Variants in SPAG16 observed in about 807,000 individuals in gnomAD.
SPAG16 encodes sperm-associated antigen 16 protein.
In SPAG16, 86 loss-of-function variants were observed where a neutral mutation model predicts 80.4. That is an observed-to-expected ratio of 1.07 (90% CI 0.90 to 1.28). The LOEUF (loss-of-function observed/expected upper bound fraction) is 1.28. Among genes scored for constraint, SPAG16 ranks in the 50% most tolerant of loss-of-function variants. The probability of loss-of-function intolerance (pLI) is 0.00; values close to 1 mark genes in which losing one functional copy is unlikely to be tolerated. For synonymous variants in SPAG16, 294 were observed against 265.9 expected, an observed-to-expected ratio of 1.11 and a Z score of -1.03; for missense variants, 870 against 765.3, an observed-to-expected ratio of 1.14 and a Z score of -1.61.
intron 10 of SPAG16, among the ~76,000 whole-genome samples, chr2:213,597,790 T>C (rs2060933307): frequency 6.6e-6 from 1 of 152,152 alleles, no homozygotes; most frequent in Non-Finnish European, 1.5e-5. Flanking sequence ...TTCTCTGACA[T>C]ATTTTAAGAT....
intron 15 of SPAG16, among the ~76,000 whole-genome samples, chr2:214,320,530 G>A (rs1313798750): frequency 6.6e-6 from 1 of 152,182 alleles, no homozygotes; most frequent in East Asian, 1.9e-4. Context: ...ATTTACAAAA[G>A]AGGTTTAATT....
rs923746626 is a variant in SPAG16, at chr2:214,370,397, C to G, written c.1721-39743C>G. Among the ~76,000 whole-genome samples, 29 of 152,238 alleles carry G rather than the reference C, an allele frequency of 1.9e-4. 1 individual carries two copies. Among genetic ancestry groups the G allele is most frequent in the Admixed American group, 1.8e-3 (28 of 15,282 alleles). On this transcript the variant is annotated intron_variant, in intron 15 of 15. Coordinates refer to ENST00000331683, the MANE Select transcript of SPAG16 (RefSeq NM_024532.5). ...ATTGCTGTGCTGTGTATTAAAACAG[C>G]AGTGCTCACCATAACATGTATTGAT...
At chr2:213,970,822 T>C (rs755752983) in intron 12 of SPAG16, among the ~76,000 whole-genome samples, 7 of 152,238 alleles carry the variant, frequency 4.6e-5, no homozygotes, top group African/African-American at 1.2e-4. Context: ...GGAGTGAATA[T>C]TTGGCAGAGT....
Position 213,438,189 on chromosome 2 carries a change from C to G in SPAG16, c.943-51774C>G, listed in dbSNP as rs573456279. Among the ~76,000 whole-genome samples, 3 of 152,294 alleles carry G rather than the reference C, an allele frequency of 2.0e-5. No individual in the cohort carries two copies. In the South Asian group the frequency reaches 6.2e-4, roughly 32 times the overall value. On this transcript the variant is annotated intron_variant, in intron 9 of 15. Transcript: ENST00000331683. ...TACTAGAAGGAAGACTCCTGGCTATCTTAGCCCTATATTTATAGATACCAG... is the reference window on the plus strand; with the variant it reads ...TACTAGAAGGAAGACTCCTGGCTATGTTAGCCCTATATTTATAGATACCAG...
chr2:213,939,654 G>A (rs1046652703), intron 12 of SPAG16, among the ~76,000 whole-genome samples: 2 of 151,982 alleles, frequency 1.3e-5, no homozygotes, highest in South Asian at 4.1e-4. Flanking sequence ...CATTTGAAGC[G>A]GTTTTCACAT....
rs922377912 is a variant in SPAG16, at chr2:213,323,313, T to C, written c.536+5957T>C. Reference sequence around the variant, plus strand: ...AAAATTAGCCGGGCATGGTGGTGGGTGTCTGTAGTCCCAGCTACTCGGGAG... The same window carrying C: ...AAAATTAGCCGGGCATGGTGGTGGGCGTCTGTAGTCCCAGCTACTCGGGAG... On this transcript the variant is annotated intron_variant, in intron 5 of 15. Transcript: ENST00000331683. Among the ~76,000 whole-genome samples the C allele has an allele frequency of 3.9e-5, 6 of 151,950 alleles. No individual in the cohort carries two copies. The South Asian group carries it at 6.3e-4, about 16-fold the overall frequency.
intron 10 of SPAG16, among the ~76,000 whole-genome samples, chr2:213,627,835 TC>T (rs1175006126): frequency 6.6e-6 from 1 of 152,198 alleles, no homozygotes; most frequent in African/African-American, 2.4e-5. Context: ...TACATTGAAG[TC>T]AAGGTCTTTG....
At chr2:213,904,004 T>G (rs1446481602) in intron 11 of SPAG16, among the ~76,000 whole-genome samples, 2 of 152,190 alleles carry the variant, frequency 1.3e-5, no homozygotes, top group Non-Finnish European at 2.9e-5. Context: ...CATCTCCACC[T>G]GAGACCACCT....
At chr2:214,312,517 G>A (rs990572471) in intron 15 of SPAG16, among the ~76,000 whole-genome samples, 9 of 152,210 alleles carry the variant, frequency 5.9e-5, no homozygotes, top group African/African-American at 1.9e-4. Flanking sequence ...ATATTATTTA[G>A]TATAGGTCTA....
chr2:214,053,888 A>G (rs910706294), intron 13 of SPAG16, among the ~76,000 whole-genome samples: 2 of 152,212 alleles, frequency 1.3e-5, no homozygotes, highest in Non-Finnish European at 2.9e-5. Context: ...GATTCTACCA[A>G]TACATGTCAT....
chr2:213,556,312 C>CAAAAAAAAAAAAAAAAAAACAA (rs35010847), intron 10 of SPAG16, among the ~76,000 whole-genome samples: 1 of 112,838 alleles, frequency 8.9e-6, no homozygotes, highest in Non-Finnish European at 1.8e-5. Context: ...AAAAAAAAAC[C>CAAAAAAAAAAAAAAAAAAACAA]AAAAAAAAAA....
chr2:213,395,572 T>C (rs2067988446), intron 9 of SPAG16, among the ~76,000 whole-genome samples: 1 of 152,184 alleles, frequency 6.6e-6, no homozygotes, highest in South Asian at 2.1e-4. Context: ...AGAGATCACA[T>C]TGCCTTTTGT....
chr2:214,090,702 G>A (rs1483653305), intron 13 of SPAG16, among the ~76,000 whole-genome samples: 1 of 151,910 alleles, frequency 6.6e-6, no homozygotes, highest in African/African-American at 2.4e-5. Context: ...CTTTGCATGA[G>A]TTCCAAACCC....
At chr2:214,051,836 A>G (rs1368761462) in intron 13 of SPAG16, among the ~76,000 whole-genome samples, 1 of 152,164 alleles carries the variant, frequency 6.6e-6, no homozygotes, top group Non-Finnish European at 1.5e-5. Flanking sequence ...TGGTAATCTG[A>G]TGTCACATTG....
intron 10 of SPAG16, among the ~76,000 whole-genome samples, chr2:213,676,290 A>C (rs993449664): frequency 1.3e-5 from 2 of 152,142 alleles, no homozygotes; most frequent in Non-Finnish European, 2.9e-5. Flanking sequence ...GGGATGAGAC[A>C]ATGGGGTTTT....
chr2:213,869,594 C>A (rs1302513283), intron 11 of SPAG16, among the ~76,000 whole-genome samples: 1 of 149,790 alleles, frequency 6.7e-6, no homozygotes, highest in Non-Finnish European at 1.5e-5. Context: ...ATAGTTATCA[C>A]CTTTATGTGA....
chr2:213,592,345 T>C (rs1056767046), intron 10 of SPAG16, among the ~76,000 whole-genome samples: 6 of 151,816 alleles, frequency 4.0e-5, no homozygotes, highest in Admixed American at 3.3e-4. Context: ...ATTATATCTG[T>C]CTTGTATTTT....
At chr2:213,577,668 C>A (rs1229872794) in intron 10 of SPAG16, among the ~76,000 whole-genome samples, 4 of 152,040 alleles carry the variant, frequency 2.6e-5, no homozygotes, top group African/African-American at 9.7e-5. Context: ...TGATATTAGT[C>A]ATTAAAATAT....
chr2:213,680,580 T>C (rs1173844776), intron 10 of SPAG16, among the ~76,000 whole-genome samples: 2 of 152,200 alleles, frequency 1.3e-5, no homozygotes, highest in Admixed American at 1.3e-4. Flanking sequence ...CATTCGTGGA[T>C]GATATGCTCG....
Sources: gnomAD v4.1 joint callset for allele counts (sites outside exome capture counted in the v4.1 genomes callset) on GRCh38, gnomAD v4.1.1 for gene constraint, MANE v1.5 for transcripts, NCBI Gene and HGNC (gene_info 2026-07-23, HGNC 2026-07-21) for gene names.